Variants in SLC9A9 observed in about 807,000 individuals in gnomAD.
The protein encoded by SLC9A9 is sodium/hydrogen exchanger 9.
In SLC9A9, 62 loss-of-function variants were observed where a neutral mutation model predicts 77.8. The observed-to-expected ratio is 0.80, with a 90% CI of 0.65 to 0.98. The LOEUF is 0.98. Ranked by LOEUF, SLC9A9 falls within the 50% of genes least tolerant of loss-of-function variation. SLC9A9 has a pLI of 0.00. For missense variants in SLC9A9, 775 were observed against 774.9 expected (o/e 1.00, Z 0.00); for synonymous variants, 320 against 283.5 (o/e 1.13, Z -1.29).
chr3:143,574,570 T>C (rs746260705), intron 7 of SLC9A9, among the ~76,000 whole-genome samples: 2 of 151,956 alleles, frequency 1.3e-5, no homozygotes, highest in Non-Finnish European at 2.9e-5. Context: ...GCTGCAAGTA[T>C]GTCAGTACCA....
intron 13 of SLC9A9, among the ~76,000 whole-genome samples, chr3:143,378,332 C>T (rs1054038998): frequency 6.6e-6 from 1 of 152,172 alleles, no homozygotes; most frequent in African/African-American, 2.4e-5. Flanking sequence ...ACCAAACTGT[C>T]TGGGTTCAAA....
intron 9 of SLC9A9, among the ~76,000 whole-genome samples, chr3:143,528,552 G>A (rs2036446622): frequency 6.6e-6 from 1 of 152,066 alleles, no homozygotes; most frequent in African/African-American, 2.4e-5. Context: ...GTAGTAGTTG[G>A]TCACCCTATA....
chr3:143,407,816 T>C (rs1559902699), intron 12 of SLC9A9, among the ~76,000 whole-genome samples: 1 of 152,232 alleles, frequency 6.6e-6, no homozygotes, highest in Non-Finnish European at 1.5e-5. Flanking sequence ...ATATGCATAC[T>C]CATTACCTGA....
At chr3:143,650,056 G>A (rs1295486121) in intron 6 of SLC9A9, among the ~76,000 whole-genome samples, 1 of 152,178 alleles carries the variant, frequency 6.6e-6, no homozygotes, top group Non-Finnish European at 1.5e-5. Context: ...CAAAGAAGGA[G>A]ACTGAAGGAA....
Position 143,709,557 on chromosome 3 carries a change from A to G in SLC9A9, c.534-16250T>C, listed in dbSNP as rs73870419. 4.6e-3 allele frequency among the ~76,000 whole-genome samples: 704 copies of G among 152,252 alleles called. 3 individuals carry two copies. Among genetic ancestry groups the G allele is most frequent in the African/African-American group, 0.016 (664 of 41,550 alleles). On this transcript the variant is annotated intron_variant, in intron 4 of 15. Transcript: ENST00000316549. ...CAGCCATTAGTGTACCCTGATGGCA[A>G]TTTCCTTAAGGGGCAGCACTTTGAA...
intron 4 of SLC9A9, among the ~76,000 whole-genome samples, chr3:143,743,525 G>A (rs544156244): frequency 3.5e-4 from 53 of 152,270 alleles, no homozygotes; most frequent in South Asian, 1.5e-3. Flanking sequence ...AAAGGTGGGG[G>A]AAGAGTGTTC....
At chr3:143,646,538 T>C (rs1387202448) in intron 6 of SLC9A9, among the ~76,000 whole-genome samples, 1 of 151,652 alleles carries the variant, frequency 6.6e-6, no homozygotes, top group South Asian at 2.1e-4. Flanking sequence ...ATATATTTTT[T>C]CTTTATTATT....
chr3:143,576,573 C>T (rs907341036), intron 7 of SLC9A9, among the ~76,000 whole-genome samples: 2 of 152,182 alleles, frequency 1.3e-5, no homozygotes, highest in African/African-American at 4.8e-5. Context: ...TCACTCTAAA[C>T]AACACCTGGC....
intron 8 of SLC9A9, among the ~76,000 whole-genome samples, chr3:143,573,445 A>G (rs777522643): frequency 6.6e-6 from 1 of 152,118 alleles, no homozygotes; most frequent in African/African-American, 2.4e-5. Flanking sequence ...ACAAATCCTC[A>G]TGGTTGCAGA....
intron 12 of SLC9A9, among the ~76,000 whole-genome samples, chr3:143,458,003 T>C (rs2035123648): frequency 6.6e-6 from 1 of 152,192 alleles, no homozygotes; most frequent in Non-Finnish European, 1.5e-5. Flanking sequence ...TCTATCTACT[T>C]GTTATATCAG....
intron 9 of SLC9A9, among the ~76,000 whole-genome samples, chr3:143,529,508 C>G (rs2036467659): frequency 6.6e-6 from 1 of 152,114 alleles, no homozygotes. Context: ...TGGAAGGATT[C>G]AACACTGTTT....
intron 9 of SLC9A9, among the ~76,000 whole-genome samples, chr3:143,512,275 C>T (rs2036129389): frequency 6.6e-6 from 1 of 152,188 alleles, no homozygotes; most frequent in Non-Finnish European, 1.5e-5. Context: ...AAACGTTGAA[C>T]TGAGCAATTA....
chr3:143,452,503 T>TAAAA (rs58038873), intron 12 of SLC9A9, among the ~76,000 whole-genome samples: 1 of 108,882 alleles, frequency 9.2e-6, no homozygotes, highest in Non-Finnish European at 1.9e-5. Flanking sequence ...TTAAAAAGAC[T>TAAAA]AAAAAAAAAA....
intron 4 of SLC9A9, among the ~76,000 whole-genome samples, chr3:143,719,017 CAAT>C (rs1233911794): frequency 6.6e-6 from 1 of 151,804 alleles, no homozygotes; most frequent in Admixed American, 6.5e-5. Context: ...GTAGGTAGCT[CAAT>C]AAATGGTTGT....
At chr3:143,539,085 A>G (rs1009487035) in intron 9 of SLC9A9, among the ~76,000 whole-genome samples, 9 of 152,206 alleles carry the variant, frequency 5.9e-5, no homozygotes, top group African/African-American at 9.7e-5. Context: ...TACAACAGTA[A>G]TAGTTTGTTA....
At chr3:143,727,288 C>T (rs1204870818) in intron 4 of SLC9A9, among the ~76,000 whole-genome samples, 1 of 152,058 alleles carries the variant, frequency 6.6e-6, no homozygotes, top group Non-Finnish European at 1.5e-5. Flanking sequence ...AGAAGATGAG[C>T]TCTGCCAGCC....
At chr3:143,672,962 C>T (rs1456872849) in intron 5 of SLC9A9, among the ~76,000 whole-genome samples, 1 of 152,092 alleles carries the variant, frequency 6.6e-6, no homozygotes, top group East Asian at 1.9e-4. Context: ...CATAGTAACC[C>T]CAAATAGAAA....
intron 4 of SLC9A9, among the ~76,000 whole-genome samples, chr3:143,735,088 C>T (rs1301593270): frequency 6.6e-6 from 1 of 152,100 alleles, no homozygotes; most frequent in Non-Finnish European, 1.5e-5. Flanking sequence ...GAATGCAATC[C>T]CTGACAAAAT....
chr3:143,594,854 T>G (rs185056149), intron 6 of SLC9A9, among the ~76,000 whole-genome samples: 158 of 152,330 alleles, frequency 1.0e-3, no homozygotes, highest in South Asian at 3.7e-3. Context: ...CTTTCCCCTA[T>G]GCACAACAAA....
Sources: gnomAD v4.1 joint callset for allele counts (sites outside exome capture counted in the v4.1 genomes callset) on GRCh38, gnomAD v4.1.1 for gene constraint, MANE v1.5 for transcripts, NCBI Gene and HGNC (gene_info 2026-07-23, HGNC 2026-07-21) for gene names.